Variants in SRP9 observed in about 807,000 individuals in gnomAD.
SRP9 encodes signal recognition particle 9 kDa protein.
SRP9 carries 2 observed loss-of-function variants against 11.7 expected under a neutral mutation model. The ratio of observed to expected loss-of-function variants is 0.17; its 90% CI spans 0.07 to 0.54. The LOEUF (loss-of-function observed/expected upper bound fraction) is 0.54. SRP9 is among the 20% of genes least tolerant of loss of function. The probability of loss-of-function intolerance (pLI) is 0.94; values close to 1 mark genes in which losing one functional copy is unlikely to be tolerated. For missense variants in SRP9, 54 were observed against 108.1 expected (o/e 0.50, Z 2.22); for synonymous variants, 27 against 35.6 (o/e 0.76, Z 0.86).
intron 1 of SRP9, among the ~76,000 whole-genome samples, chr1:225,781,719 T>C (rs1289287132): frequency 6.6e-6 from 1 of 152,184 alleles, no homozygotes; most frequent in Non-Finnish European, 1.5e-5. Context: ...TAACTCTCAT[T>C]TCTCCTAAAT....
chr1:225,778,025 C>G lies in SRP9; in HGVS notation c.72+13C>G, dbSNP rs1263332503. ...TGACCCTATGAAGGTAAATCGCTGG[C>G]GGGGCCGCTGCTTTGGGCCCCAGCC... On this transcript the variant is annotated intron_variant, in intron 1 of 2. Transcript: ENST00000304786. 10 of 1,613,928 alleles carry G rather than the reference C, an allele frequency of 6.2e-6. No individual in the cohort carries two copies. The highest frequency in any genetic ancestry group is 8.5e-6 in the Non-Finnish European group (10 of 1,179,964).
At chr1:225,779,128 CTT>C (rs571488816) in intron 1 of SRP9, among the ~76,000 whole-genome samples, 2 of 136,770 alleles carry the variant, frequency 1.5e-5, no homozygotes, top group African/African-American at 2.7e-5. Context: ...GGCTCAGGAT[CTT>C]TTTTTTTTTT....
chr1:225,783,711 T>G (rs917690665), intron 2 of SRP9, among the ~76,000 whole-genome samples: 1 of 152,252 alleles, frequency 6.6e-6, no homozygotes, highest in African/African-American at 2.4e-5. Flanking sequence ...TTCCTGTCTT[T>G]GATATGCTCA....
At position 225,777,954 on chromosome 1, in the gene SRP9, A is replaced by T; in HGVS notation, c.14A>T (p.Gln5Leu). The change falls in exon 1 of 3, where the codon CAG (glutamine) becomes CTG (leucine). Residue 5 changes from glutamine to leucine, a missense_variant. Coordinates refer to ENST00000304786, the MANE Select transcript of SRP9 (RefSeq NM_003133.6). Reference protein sequence around the residue: MPQYQTWEEFSRAAE... With the variant: MPQYLTWEEFSRAAE... ...CTCTAGGCCACGATGCCGCAGTACC[A>T]GACCTGGGAGGAGTTCAGCCGCGCT... 5.6e-6 allele frequency: 9 copies of T among 1,614,168 alleles called. No homozygotes were observed. The highest frequency in any genetic ancestry group is 6.8e-6 in the Non-Finnish European group (8 of 1,180,000).
intron 2 of SRP9, among the ~76,000 whole-genome samples, chr1:225,785,787 A>G (rs550036558): frequency 4.0e-5 from 6 of 151,578 alleles, no homozygotes; most frequent in Middle Eastern, 3.4e-3. Context: ...GGTTCAAGCA[A>G]TTCTCCTGCC....
rs561503475 is a variant in SRP9 at position 225,784,229 on chromosome 1, C to CTTTTTTTTTTTTTTTTTTTTTTTTTTTTT, written c.141+868_141+896dup. On this transcript the variant is annotated intron_variant, in intron 2 of 2. Transcript: ENST00000304786. ...TCTACAGTGGAGTTTATCACCTGTT[C>CTTTTTTTTTTTTTTTTTTTTTTTTTTTTT]TTTTTTTTTTTTTTTTTTTTTTTTT... Among the ~76,000 whole-genome samples, 3 of 34,458 alleles carry CTTTTTTTTTTTTTTTTTTTTTTTTTTTTT rather than the reference C, an allele frequency of 8.7e-5. 1 individual carries two copies. Among genetic ancestry groups the CTTTTTTTTTTTTTTTTTTTTTTTTTTTTT allele is most frequent in the South Asian group, 1.2e-3 (1 of 832 alleles). The allele number at this position is 34,458 out of a possible 152,430, so 22.6% of individuals were successfully genotyped here. A position where few individuals can be genotyped will look rare whatever the true frequency, so the allele number is the denominator to read the frequency against.
rs1429770358 is a variant in SRP9 at position 225,790,264 on chromosome 1, T to TA, written c.*906dup. 6.6e-6 allele frequency: 1 copy of TA among 152,232 alleles called. No individual in the cohort carries two copies. Among genetic ancestry groups the TA allele is most frequent in the Non-Finnish European group, 1.5e-5 (1 of 68,044 alleles). 9.4% of individuals were successfully genotyped at this position (152,232 alleles called of 1,614,324 possible). On this transcript the variant is annotated 3_prime_UTR_variant, in exon 3 of 3. Coordinates refer to ENST00000304786, the MANE Select transcript of SRP9 (RefSeq NM_003133.6). Reference sequence around the variant, plus strand: ...GTTATGTTTTCCAGTAAACTAGAAGTACGATATTTGATAATTATATTTGTA... The same window carrying TA: ...GTTATGTTTTCCAGTAAACTAGAAGTAACGATATTTGATAATTATATTTGTA...
At position 225,777,905 on chromosome 1, in the gene SRP9, G is replaced by T. The variant is rs1665714295; in HGVS notation, c.-36G>T. 1.9e-6 allele frequency: 3 copies of T among 1,592,456 alleles called. No individual in the cohort carries two copies. The highest frequency in any genetic ancestry group is 2.6e-6 in the Non-Finnish European group (3 of 1,162,120). ...GTAGTTTGTTGGGCCGGGTTCTGAG[G>T]CCTTGCTTCTCTTTACTTTTCCACT... On this transcript the variant is annotated 5_prime_UTR_variant, in exon 1 of 3. Transcript: ENST00000304786.
At chr1:225,778,937 C>A (rs1665740941) in intron 1 of SRP9, among the ~76,000 whole-genome samples, 1 of 152,138 alleles carries the variant, frequency 6.6e-6, no homozygotes, top group African/African-American at 2.4e-5. Flanking sequence ...ATTCATTTCC[C>A]ACTCTCGTGT....
At chr1:225,786,932 T>TCGA (rs1665928564) in intron 2 of SRP9, 1 of 754,582 alleles carries the variant, frequency 1.3e-6, no homozygotes, top group Admixed American at 2.5e-5. Flanking sequence ...ATCCTCGACC[T>TCGA]CCTGGGCTCA....
rs117078233 is a variant in SRP9, at chr1:225,788,646, C to T, written c.142-594C>T. On this transcript the variant is annotated intron_variant, in intron 2 of 2. Coordinates refer to ENST00000304786, the MANE Select transcript of SRP9 (RefSeq NM_003133.6). ...GGCCAGGCTGGTTTCGAACTGCTGA[C>T]CTGGTGGTCCGCCTGCCTCGGCCTC... 2.8e-3 allele frequency among the ~76,000 whole-genome samples: 432 copies of T among 152,216 alleles called. 15 individuals carry two copies. The East Asian group carries it at 0.056, about 20-fold the overall frequency.
At chr1:225,787,190 A>G (rs1414419849) in intron 2 of SRP9, among the ~76,000 whole-genome samples, 1 of 152,136 alleles carries the variant, frequency 6.6e-6, no homozygotes, top group Non-Finnish European at 1.5e-5. Flanking sequence ...TGATTGTCAC[A>G]GAGTGGTTAG....
chr1:225,781,327 C>G (rs1665790828), intron 1 of SRP9, among the ~76,000 whole-genome samples: 1 of 150,748 alleles, frequency 6.6e-6, no homozygotes, highest in Non-Finnish European at 1.5e-5. Flanking sequence ...GACATGGTGA[C>G]TTGGCACCCT....
intron 1 of SRP9, among the ~76,000 whole-genome samples, chr1:225,781,633 C>T (rs1208686650): frequency 3.3e-5 from 5 of 151,998 alleles, no homozygotes; most frequent in Non-Finnish European, 5.9e-5. Context: ...CTCCTGACCT[C>T]GTGAGTGAAC....
intron 2 of SRP9, chr1:225,789,006 T>C (rs1226370268): frequency 3.2e-6 from 5 of 1,550,144 alleles, no homozygotes; most frequent in East Asian, 2.4e-5. Context: ...AAGCTTCTAA[T>C]AGACTTCATT....
intron 2 of SRP9, among the ~76,000 whole-genome samples, chr1:225,784,287 C>T (rs1405522846): frequency 1.3e-4 from 15 of 115,374 alleles, no homozygotes; most frequent in Non-Finnish European, 2.0e-4. Context: ...TGCTCTGTCG[C>T]CCAGGCTGGA....
intron 1 of SRP9, among the ~76,000 whole-genome samples, chr1:225,782,165 T>A (rs1665812600): frequency 1.3e-5 from 2 of 152,014 alleles, no homozygotes; most frequent in South Asian, 4.1e-4. Context: ...TATTTTATTT[T>A]ATTTATTTAT....
chr1:225,779,849 C>T (rs922634224), intron 1 of SRP9, among the ~76,000 whole-genome samples: 7 of 152,258 alleles, frequency 4.6e-5, no homozygotes, highest in African/African-American at 1.4e-4. Context: ...GACTTTTATC[C>T]AGAAGTACCC....
chr1:225,777,871 C>T lies in SRP9; in HGVS notation c.-70C>T. On this transcript the variant is annotated 5_prime_UTR_variant, in exon 1 of 3. Transcript: ENST00000304786. ...GGGACTCGCGTCGGTTGGCGACTCC[C>T]GGACGTAGGTAGTTTGTTGGGCCGG... is the stretch of plus-strand genomic sequence containing the variant. 6.8e-7 allele frequency: 1 copy of T among 1,467,136 alleles called. No homozygotes were observed. Among genetic ancestry groups the T allele is most frequent in the Non-Finnish European group, 9.4e-7 (1 of 1,061,066 alleles). The allele number at this position is 1,467,136 out of a possible 1,614,324, so 90.9% of individuals were successfully genotyped here. A position where few individuals can be genotyped will look rare whatever the true frequency, so the allele number is the denominator to read the frequency against.
Sources: gnomAD v4.1 joint callset for allele counts (sites outside exome capture counted in the v4.1 genomes callset) on GRCh38, gnomAD v4.1.1 for gene constraint, MANE v1.5 for transcripts, NCBI Gene and HGNC (gene_info 2026-07-23, HGNC 2026-07-21) for gene names.